The following CEP135 variants were observed in gnomAD, a reference collection of about 807,000 sequenced individuals.
CEP135 encodes the protein centrosomal protein of 135 kDa.
In CEP135, 142 loss-of-function variants were observed where a neutral mutation model predicts 157.3. The observed-to-expected ratio is 0.90, with a 90% CI of 0.79 to 1.04. The LOEUF (loss-of-function observed/expected upper bound fraction) is 1.04, where lower values mean the gene tolerates loss of function less well. Ranked by LOEUF, CEP135 falls within the 50% of genes least tolerant of loss-of-function variation. The probability of loss-of-function intolerance (pLI) is 0.00; values close to 1 mark genes in which losing one functional copy is unlikely to be tolerated. For synonymous variants in CEP135, 396 were observed against 439.8 expected (o/e 0.90, Z 1.25); for missense variants, 1,317 against 1,309.2 (o/e 1.01, Z -0.09).
chr4:55,987,653 C>T (rs963501892), intron 14 of CEP135, among the ~76,000 whole-genome samples: 4 of 152,018 alleles, frequency 2.6e-5, no homozygotes, highest in African/African-American at 7.2e-5. Context: ...TTATTTCAGG[C>T]GGAAGAGTAA....
intron 13 of CEP135, among the ~76,000 whole-genome samples, chr4:55,982,285 A>ATATC (rs1729438280): frequency 6.6e-6 from 1 of 152,178 alleles, no homozygotes; most frequent in Non-Finnish European, 1.5e-5. Context: ...GAACTTGTAT[A>ATATC]CAACTTTTTG....
At chr4:55,976,742 G>T (rs1207651124) in intron 11 of CEP135, among the ~76,000 whole-genome samples, 1 of 152,164 alleles carries the variant, frequency 6.6e-6, no homozygotes, top group Admixed American at 6.5e-5. Context: ...AATGAAATGG[G>T]TGGGGTATAA....
intron 25 of CEP135, among the ~76,000 whole-genome samples, chr4:56,029,288 A>T (rs1186765057): frequency 6.6e-6 from 1 of 152,224 alleles, no homozygotes; most frequent in Non-Finnish European, 1.5e-5. Flanking sequence ...TTAAATCATT[A>T]GCCATTCATG....
At position 56,024,528 on chromosome 4, in the gene CEP135, A is replaced by G. The variant is rs1019029665; in HGVS notation, c.3348A>G (p.Arg1116=). The G allele has an allele frequency of 5.6e-6, 9 of 1,613,798 alleles. No individual in the cohort carries two copies. Among genetic ancestry groups the G allele is most frequent in the South Asian group, 1.1e-5 (1 of 91,084 alleles). Residue 1116 remains arginine (R), a synonymous_variant, in exon 25 of 26, where the codon CGA becomes CGG. Transcript: ENST00000257287. ...AACGAGCAATCCAAGAGATGCGTCG[A>G]CATGGTCTTGCTACACCACCCCTTA... The part of the protein sequence containing the change: ...ERERAIQEMR[R]HGLATPPLSS...
chr4:56,022,759 G>T (rs1281708702), intron 24 of CEP135, among the ~76,000 whole-genome samples: 1 of 152,196 alleles, frequency 6.6e-6, no homozygotes, highest in Non-Finnish European at 1.5e-5. Context: ...ACTTTTGGGA[G>T]TTTTGAGACA....
rs563983053 is a variant in CEP135 at position 56,004,956 on chromosome 4, A to G, written c.2281-3371A>G. Among the ~76,000 whole-genome samples the G allele has an allele frequency of 4.5e-5, 4 of 89,316 alleles. No homozygotes were observed. The East Asian group carries it at 1.4e-3, about 32-fold the overall frequency. The allele number at this position is 89,316 out of a possible 152,430, so 58.6% of individuals were successfully genotyped here. On this transcript the variant is annotated intron_variant, in intron 17 of 25. Coordinates refer to ENST00000257287, the MANE Select transcript of CEP135 (RefSeq NM_025009.5). ...TTTTTTTTTTTTTTGCTTCTTTTCT[A>G]GTTGTTTTATAACTCTTCTCTTTCT...
chr4:56,008,886 C>A (rs1161487874), intron 18 of CEP135, among the ~76,000 whole-genome samples: 1 of 152,126 alleles, frequency 6.6e-6, no homozygotes, highest in East Asian at 1.9e-4. Context: ...CCAATTGAAT[C>A]TATGCTTTAC....
At chr4:55,996,714 C>CT (rs750105795) in intron 15 of CEP135, among the ~76,000 whole-genome samples, 1,527 of 143,844 alleles carry the variant, frequency 0.011, 12 homozygotes, top group African/African-American at 0.025. Context: ...CAGTCTCCGT[C>CT]TTTTTTTTTT....
At chr4:55,985,807 G>A (rs1176220824) in intron 14 of CEP135, among the ~76,000 whole-genome samples, 1 of 152,132 alleles carries the variant, frequency 6.6e-6, no homozygotes, top group East Asian at 1.9e-4. Flanking sequence ...GGGCATGGTG[G>A]TGCACACCTG....
chr4:55,984,492 C>T (rs1729511189), intron 13 of CEP135, among the ~76,000 whole-genome samples: 1 of 152,208 alleles, frequency 6.6e-6, no homozygotes, highest in Non-Finnish European at 1.5e-5. Flanking sequence ...TACTAAGCTA[C>T]AGTAGCTATG....
intron 8 of CEP135, among the ~76,000 whole-genome samples, chr4:55,967,925 A>G (rs945917785): frequency 7.2e-5 from 11 of 152,212 alleles, no homozygotes; most frequent in African/African-American, 2.7e-4. Context: ...AGTCCTAGCC[A>G]GAGCAGTTAG....
chr4:55,957,875 A>G (rs1728553769), intron 5 of CEP135, among the ~76,000 whole-genome samples: 1 of 152,206 alleles, frequency 6.6e-6, no homozygotes, highest in African/African-American at 2.4e-5. Flanking sequence ...TTCTGAGGAT[A>G]TAAAGATGAA....
intron 17 of CEP135, 44 bp downstream of exon 17, chr4:55,999,689 A>G (rs946309278): frequency 1.9e-6 from 3 of 1,561,314 alleles, no homozygotes; most frequent in Non-Finnish European, 1.7e-6. Flanking sequence ...CAAACAGAAC[A>G]GTTTTTTTTG....
intron 11 of CEP135, among the ~76,000 whole-genome samples, chr4:55,979,442 C>A (rs933970534): frequency 6.6e-6 from 1 of 152,142 alleles, no homozygotes; most frequent in Non-Finnish European, 1.5e-5. Flanking sequence ...TTAATATATA[C>A]TGCCTGGTAG....
rs559377208 is a variant in CEP135, at chr4:55,954,444, C to T, written c.472+61C>T. 5.9e-5 allele frequency: 83 copies of T among 1,406,664 alleles called. No homozygotes were observed. The South Asian group carries it at 1.3e-3, about 21-fold the overall frequency. The allele number at this position is 1,406,664 out of a possible 1,614,324, so 87.1% of individuals were successfully genotyped here. ...TTTAATCTTTTAACGATATTAACAC[C>T]ATTGACTAAAATAGGACTTTGGATT... On this transcript the variant is annotated intron_variant, in intron 4 of 25. Transcript: ENST00000257287.
At chr4:56,027,546 A>T (rs1731197204) in intron 25 of CEP135, among the ~76,000 whole-genome samples, 1 of 152,196 alleles carries the variant, frequency 6.6e-6, no homozygotes, top group Non-Finnish European at 1.5e-5. Context: ...GGTTTTATGA[A>T]AATAGGCTTG....
intron 14 of CEP135, among the ~76,000 whole-genome samples, chr4:55,991,378 A>T (rs1252041620): frequency 6.6e-6 from 1 of 151,242 alleles, no homozygotes; most frequent in African/African-American, 2.4e-5. Flanking sequence ...CATTTTTAAA[A>T]AGCTTGTGTT....
Position 55,953,295 on chromosome 4 carries a change from T to A in CEP135, c.304+20T>A. 6.9e-7 allele frequency: 1 copy of A among 1,458,316 alleles called. No individual in the cohort carries two copies. Among genetic ancestry groups the A allele is most frequent in the Non-Finnish European group, 9.1e-7 (1 of 1,094,888 alleles). The allele number at this position is 1,458,316 out of a possible 1,614,324, so 90.3% of individuals were successfully genotyped here. A position where few individuals can be genotyped will look rare whatever the true frequency, so the allele number is the denominator to read the frequency against. On this transcript the variant is annotated intron_variant, in intron 3 of 25. Transcript: ENST00000257287. ...TTAAAGGTAAGTGAAAATTTGATAA[T>A]TTTTAAAATGCAATGTCTTTGTCCT...
At chr4:55,982,350 T>C (rs1729440818) in intron 13 of CEP135, among the ~76,000 whole-genome samples, 2 of 152,232 alleles carry the variant, frequency 1.3e-5, no homozygotes, top group South Asian at 4.1e-4. Flanking sequence ...ATGGTAAGTC[T>C]GTGTTTAACC....
Sources: allele counts gnomAD v4.1 joint callset (sites outside exome capture counted in the v4.1 genomes callset), GRCh38; gene constraint gnomAD v4.1.1; transcripts MANE v1.5; gene names NCBI Gene and HGNC (gene_info 2026-07-23, HGNC 2026-07-21).